The following PTPRE variants were observed in gnomAD, a reference collection of about 807,000 sequenced individuals.
PTPRE encodes protein tyrosine phosphatase receptor type E.
Under a neutral mutation model 102.0 loss-of-function variants are expected in PTPRE, and 51 were observed. That is an observed-to-expected ratio of 0.50 (90% CI 0.40 to 0.63). The LOEUF is 0.63. Among genes scored for constraint, PTPRE ranks in the 30% least tolerant of loss-of-function variants. The pLI, the probability that PTPRE is intolerant of heterozygous loss-of-function variation, is 0.00. For missense variants in PTPRE, 752 were observed against 915.1 expected (o/e 0.82, Z 2.30); for synonymous variants, 345 against 348.2 (o/e 0.99, Z 0.10).
chr10:127,938,999 C>T (rs188515824), intron 1 of PTPRE, among the ~76,000 whole-genome samples: 164 of 152,288 alleles, frequency 1.1e-3, no homozygotes, highest in Middle Eastern at 6.8e-3. Flanking sequence ...CGCTGAAGAA[C>T]GCAAGGAACC....
intron 9 of PTPRE, 63 bp from the exon 10 acceptor site, chr10:128,063,020 G>T (rs1849747933): frequency 1.2e-6 from 2 of 1,602,236 alleles, no homozygotes; most frequent in African/African-American, 2.7e-5. Flanking sequence ...GGGTGCCGGG[G>T]CTGGGACCCC....
intron 11 of PTPRE, 35 bp from the exon 12 acceptor site, chr10:128,068,088 T>C (rs1185441025): frequency 5.7e-6 from 9 of 1,590,688 alleles, no homozygotes; most frequent in Non-Finnish European, 7.7e-6. Context: ...GGGAGGATTG[T>C]TTCACCCACT....
In PTPRE at chr10:128,076,685, C is replaced by T; in HGVS notation, c.1682C>T (p.Ser561Leu). Residue 561 changes from serine (S) to leucine (L), a missense_variant, in exon 18 of 21, where the codon TCA becomes TTA. Physicochemically the swap from Ser to Leu is moderately radical, Grantham distance 145. Transcript: ENST00000254667. ...ITIEIKNDTL[S>L]EAISIRDFLV... The stretch of plus-strand genomic sequence containing the variant: ...ATTGAGATAAAGAATGATACCCTTT[C>T]AGAAGCCATCAGTATACGAGACTTT... 8.1e-6 allele frequency: 13 copies of T among 1,611,422 alleles called. No individual in the cohort carries two copies. The highest frequency in any genetic ancestry group is 1.1e-5 in the Non-Finnish European group (13 of 1,179,416).
At chr10:128,067,283 C>A (rs1427250505) in intron 11 of PTPRE, among the ~76,000 whole-genome samples, 1 of 151,210 alleles carries the variant, frequency 6.6e-6, no homozygotes, top group Non-Finnish European at 1.5e-5. Context: ...CACACACGCA[C>A]CCACACACGC....
chr10:127,954,648 G>C (rs1480923117), intron 1 of PTPRE, among the ~76,000 whole-genome samples: 1 of 152,170 alleles, frequency 6.6e-6, no homozygotes, highest in Non-Finnish European at 1.5e-5. Flanking sequence ...TGAAGTCACA[G>C]TTACAGCACC....
intron 1 of PTPRE, among the ~76,000 whole-genome samples, chr10:127,939,921 T>G (rs1589784539): frequency 1.5e-5 from 2 of 136,784 alleles, no homozygotes; most frequent in Non-Finnish European, 3.1e-5. Context: ...TGTAGGCAGG[T>G]GGAGGCAGGA....
chr10:127,964,325 G>C (rs960271755), intron 1 of PTPRE, among the ~76,000 whole-genome samples: 48 of 151,810 alleles, frequency 3.2e-4, no homozygotes, highest in African/African-American at 9.7e-4. Flanking sequence ...GCCCACCACC[G>C]CGCCCAGCTA....
At chr10:128,058,528 G>A (rs1194682294) in intron 7 of PTPRE, among the ~76,000 whole-genome samples, 1 of 152,250 alleles carries the variant, frequency 6.6e-6, no homozygotes, top group Non-Finnish European at 1.5e-5. Context: ...TGGGTGGAAA[G>A]ATGGGTTTAC....
At chr10:128,067,096 A>G (rs565038066) in intron 11 of PTPRE, among the ~76,000 whole-genome samples, 91 of 151,768 alleles carry the variant, frequency 6.0e-4, no homozygotes, top group Non-Finnish European at 1.1e-3. Flanking sequence ...ACACACATGC[A>G]CACACACGCA....
chr10:128,003,162 A>T (rs561313078), intron 2 of PTPRE, among the ~76,000 whole-genome samples: 2 of 152,262 alleles, frequency 1.3e-5, no homozygotes, highest in African/African-American at 4.8e-5. Flanking sequence ...TGACTGCTGT[A>T]AGGTAGTATC....
intron 1 of PTPRE, among the ~76,000 whole-genome samples, chr10:127,946,770 G>A (rs1002321506): frequency 1.1e-4 from 16 of 152,170 alleles, no homozygotes; most frequent in African/African-American, 3.6e-4. Context: ...ACGGCAGCTC[G>A]TGTCTGTAAT....
At position 127,993,768 on chromosome 10, in the gene PTPRE, GGTGTGT is replaced by G. The variant is rs142298818; in HGVS notation, c.-8+11486_-8+11491del. ...GTTCTCTCTCTGGATCTTTCATAGT[GGTGTGT>G]GTGTGTGTGTGTGCGTGTGTGTGTG... On this transcript the variant is annotated intron_variant, in intron 2 of 20. Coordinates refer to ENST00000254667, the MANE Select transcript of PTPRE (RefSeq NM_006504.6). Among the ~76,000 whole-genome samples, 9 of 150,664 alleles carry G rather than the reference GGTGTGT, an allele frequency of 6.0e-5. No homozygotes were observed. In the East Asian group the frequency reaches 1.8e-3, roughly 30 times the overall value.
At position 128,028,353 on chromosome 10, in the gene PTPRE, G is replaced by A. The variant is rs1009750716; in HGVS notation, c.-7-12522G>A. 1.3e-5 allele frequency among the ~76,000 whole-genome samples: 2 copies of A among 152,112 alleles called. No homozygotes were observed. Among genetic ancestry groups the A allele is most frequent in the Admixed American group, 6.5e-5 (1 of 15,290 alleles). ...ACTCGGGTCACACACAGCCACACTC[G>A]GGGATTAGGACCTGAAGGATATCAT... On this transcript the variant is annotated intron_variant, in intron 2 of 20. Coordinates refer to ENST00000254667, the MANE Select transcript of PTPRE (RefSeq NM_006504.6). This position sits in a 1 kb window ranked among gnomAD's most constrained non-coding sequence, Gnocchi z 4.5.
intron 1 of PTPRE, among the ~76,000 whole-genome samples, chr10:127,924,979 G>A (rs771749717): frequency 3.3e-5 from 5 of 152,232 alleles, no homozygotes; most frequent in Non-Finnish European, 5.9e-5. Context: ...TGCAGAGGCT[G>A]TTCCTATGAA....
rs1850950107 is a variant in PTPRE at position 128,073,381 on chromosome 10, G to C, written c.1509G>C (p.Leu503=). The part of the protein sequence containing the change: ...KDYFIATQGP[L]AHTVEDFWRM... ...ATTTCATCGCCACCCAGGGGCCACT[G>C]GCACACACGGTTGAGGACTTCTGGA... is the stretch of plus-strand genomic sequence containing the variant. Residue 503 remains leucine, a synonymous_variant, in exon 17 of 21, where the codon CTG becomes CTC. Transcript: ENST00000254667. 1 of 1,614,210 alleles carries C rather than the reference G, an allele frequency of 6.2e-7. No individual in the cohort carries two copies. Among genetic ancestry groups the C allele is most frequent in the Non-Finnish European group, 8.5e-7 (1 of 1,180,026 alleles).
At chr10:128,052,442 C>T (rs2135880279) in intron 6 of PTPRE, among the ~76,000 whole-genome samples, 1 of 152,296 alleles carries the variant, frequency 6.6e-6, no homozygotes, top group Admixed American at 6.5e-5. Flanking sequence ...AGAGCTTGGG[C>T]AATTAACCTC....
rs116033357 is a variant in PTPRE, at chr10:127,992,903, A to T, written c.-8+10607A>T. On this transcript the variant is annotated intron_variant, in intron 2 of 20. Transcript: ENST00000254667. ...GGAGTCTTCATTTTTCTCCAGAACA[A>T]GTAGCCCCTTTCTGAAATTCATCAT... Among the ~76,000 whole-genome samples the T allele has an allele frequency of 9.2e-3, 1,398 of 152,362 alleles. 29 individuals carry two copies. Among genetic ancestry groups the T allele is most frequent in the African/African-American group, 0.032 (1,339 of 41,582 alleles).
At chr10:128,017,210 C>G (rs1845505761) in intron 2 of PTPRE, among the ~76,000 whole-genome samples, 6 of 152,088 alleles carry the variant, frequency 3.9e-5, no homozygotes. Context: ...GTGCTGGTCC[C>G]TGGAGAGGTT....
chr10:127,975,879 G>A (rs1851123623), intron 1 of PTPRE, among the ~76,000 whole-genome samples: 1 of 152,140 alleles, frequency 6.6e-6, no homozygotes, highest in Admixed American at 6.5e-5. Flanking sequence ...CCCAGTGTGG[G>A]GAGTCCTTGT....
Sources: gnomAD v4.1 joint callset for allele counts (sites outside exome capture counted in the v4.1 genomes callset) on GRCh38, gnomAD v4.1.1 for gene constraint, Gnocchi (gnomAD v3.1) non-coding constraint, MANE v1.5 for transcripts, NCBI Gene and HGNC (gene_info 2026-07-23, HGNC 2026-07-21) for gene names.